The following PTPRR variants were observed in gnomAD, a reference collection of about 807,000 sequenced individuals.
PTPRR encodes protein tyrosine phosphatase receptor type R.
In PTPRR, 38 loss-of-function variants were observed where a neutral mutation model predicts 77.2. The observed-to-expected ratio is 0.49, with a 90% CI of 0.38 to 0.65. The LOEUF (loss-of-function observed/expected upper bound fraction) is 0.65, where lower values mean the gene tolerates loss of function less well. PTPRR is among the 30% of genes least tolerant of loss of function. PTPRR has a pLI of 0.00. For missense variants in PTPRR, 744 were observed against 799.2 expected (o/e 0.93, Z 0.83); for synonymous variants, 299 against 283.1 (o/e 1.06, Z -0.57).
At chr12:70,860,110 C>A (rs1022484638) in intron 2 of PTPRR, among the ~76,000 whole-genome samples, 1 of 151,996 alleles carries the variant, frequency 6.6e-6, no homozygotes, top group Non-Finnish European at 1.5e-5. Flanking sequence ...TACTTTCTGG[C>A]AAAAGGATAC....
intron 2 of PTPRR, among the ~76,000 whole-genome samples, chr12:70,835,623 T>C (rs555402009): frequency 6.6e-6 from 1 of 152,206 alleles, no homozygotes; most frequent in South Asian, 2.1e-4. Flanking sequence ...TAAAGAAAAC[T>C]GGTAGAGCAC....
In PTPRR at chr12:70,654,267, G is replaced by GA. The variant is rs199969843; in HGVS notation, c.1880+2436dup. ...ACATAGTGCTCAAAGCATATTTGTT[G>GA]AAAAAAAAATCTCGAAAGGTAATTA... On this transcript the variant is annotated intron_variant, in intron 13 of 13. Transcript: ENST00000283228. Among the ~76,000 whole-genome samples, 522 of 151,516 alleles carry GA rather than the reference G, an allele frequency of 3.4e-3. 3 individuals are homozygous for GA. Among genetic ancestry groups the GA allele is most frequent in the African/African-American group, 0.012 (482 of 41,340 alleles).
At chr12:70,810,969 T>C (rs1891798053) in intron 2 of PTPRR, among the ~76,000 whole-genome samples, 1 of 152,332 alleles carries the variant, frequency 6.6e-6, no homozygotes, top group Non-Finnish European at 1.5e-5. Flanking sequence ...GAGAAATGCA[T>C]GTTAGTGAAT....
At chr12:70,742,502 G>C (rs566006800) in intron 6 of PTPRR, among the ~76,000 whole-genome samples, 4 of 152,200 alleles carry the variant, frequency 2.6e-5, no homozygotes, top group African/African-American at 9.6e-5. Flanking sequence ...TGAGTCCAAG[G>C]GGGTGTTTAG....
At chr12:70,731,852 A>G (rs1351606011) in intron 6 of PTPRR, among the ~76,000 whole-genome samples, 1 of 152,252 alleles carries the variant, frequency 6.6e-6, no homozygotes, top group Admixed American at 6.5e-5. Flanking sequence ...AGGAGATCCT[A>G]CTGTGTGCAC....
At chr12:70,752,759 T>C (rs10879193) in intron 5 of PTPRR, among the ~76,000 whole-genome samples, 147,623 of 152,264 alleles carry the variant, frequency 0.97, 71,737 homozygotes, top group East Asian at 1. Context: ...AGCAGAAAAA[T>C]ACCCTAATTG....
intron 10 of PTPRR, among the ~76,000 whole-genome samples, chr12:70,674,507 T>C (rs1204199296): frequency 6.6e-6 from 1 of 152,174 alleles, no homozygotes; most frequent in Non-Finnish European, 1.5e-5. Flanking sequence ...CCATGAATTG[T>C]GTGTGTGTTA....
intron 2 of PTPRR, among the ~76,000 whole-genome samples, chr12:70,885,751 CTCGATCTA>C (rs1419286285): frequency 3.9e-5 from 6 of 151,980 alleles, no homozygotes; most frequent in Admixed American, 3.9e-4. Flanking sequence ...CCAGGATGAT[CTCGATCTA>C]CTGACCACGT....
intron 6 of PTPRR, among the ~76,000 whole-genome samples, chr12:70,741,483 C>T (rs1253394887): frequency 6.6e-6 from 1 of 152,150 alleles, no homozygotes; most frequent in African/African-American, 2.4e-5. Flanking sequence ...CCCTGTATTC[C>T]TACTCCCTCT....
chr12:70,708,689 T>C (rs917757552), intron 6 of PTPRR, among the ~76,000 whole-genome samples: 1 of 152,002 alleles, frequency 6.6e-6, no homozygotes, highest in Admixed American at 6.6e-5. Context: ...TAATTTTTCC[T>C]AGTTTATATA....
At chr12:70,775,289 A>G (rs2136990293) in intron 2 of PTPRR, among the ~76,000 whole-genome samples, 1 of 152,262 alleles carries the variant, frequency 6.6e-6, no homozygotes, top group East Asian at 1.9e-4. Context: ...TCAGTTCCCC[A>G]CTACTGTTCC....
intron 2 of PTPRR, among the ~76,000 whole-genome samples, chr12:70,860,985 C>T (rs1892743656): frequency 6.6e-6 from 1 of 152,044 alleles, no homozygotes. Context: ...AGTATGCATG[C>T]ATTTGTTTAT....
chr12:70,750,906 C>CA (rs548222079), intron 5 of PTPRR, among the ~76,000 whole-genome samples: 2 of 141,166 alleles, frequency 1.4e-5, no homozygotes, highest in Non-Finnish European at 3.1e-5. Flanking sequence ...TTTTTAAACC[C>CA]TTTTTTTTTT....
chr12:70,830,673 C>T (rs764468039), intron 2 of PTPRR, among the ~76,000 whole-genome samples: 7 of 152,300 alleles, frequency 4.6e-5, no homozygotes, highest in South Asian at 4.1e-4. Flanking sequence ...ACCTCTGCAT[C>T]GGAAACACAG....
chr12:70,700,148 TTAA>T (rs1888367519), intron 7 of PTPRR, among the ~76,000 whole-genome samples: 1 of 152,224 alleles, frequency 6.6e-6, no homozygotes, highest in African/African-American at 2.4e-5. Context: ...CTTTGGACAC[TTAA>T]TAATAGTTGA....
intron 2 of PTPRR, among the ~76,000 whole-genome samples, chr12:70,850,368 A>T (rs913438121): frequency 3.9e-5 from 6 of 152,130 alleles, no homozygotes; most frequent in Non-Finnish European, 5.9e-5. Context: ...CAGAAAAAAA[A>T]AAATAAAAGG....
At chr12:70,826,821 T>A (rs2137046303) in intron 2 of PTPRR, among the ~76,000 whole-genome samples, 1 of 152,308 alleles carries the variant, frequency 6.6e-6, no homozygotes, top group East Asian at 1.9e-4. Flanking sequence ...TCTAAAATCC[T>A]TGCCTCATCC....
At chr12:70,742,906 A>G (rs1398883585) in intron 6 of PTPRR, among the ~76,000 whole-genome samples, 1 of 152,166 alleles carries the variant, frequency 6.6e-6, no homozygotes. Context: ...AAGAAGAGAA[A>G]GGATTTGATG....
intron 10 of PTPRR, among the ~76,000 whole-genome samples, chr12:70,682,942 G>A (rs1415586904): frequency 6.6e-6 from 1 of 151,788 alleles, no homozygotes; most frequent in Non-Finnish European, 1.5e-5. Flanking sequence ...AATATAGTGT[G>A]TTTAGTTAGT....
Sources: gnomAD v4.1 joint callset for allele counts (sites outside exome capture counted in the v4.1 genomes callset) on GRCh38, gnomAD v4.1.1 for gene constraint, MANE v1.5 for transcripts, NCBI Gene and HGNC (gene_info 2026-07-23, HGNC 2026-07-21) for gene names.